The following CCDC112 variants were observed in gnomAD, a reference collection of about 807,000 sequenced individuals.
CCDC112 encodes the protein coiled-coil domain-containing protein 112.
In CCDC112, 40 loss-of-function variants were observed where a neutral mutation model predicts 66.3. That is an observed-to-expected ratio of 0.60 (90% CI 0.47 to 0.79). The LOEUF (loss-of-function observed/expected upper bound fraction) is 0.79, where lower values mean the gene tolerates loss of function less well. CCDC112 is among the 30% of genes least tolerant of loss of function. CCDC112 has a pLI of 0.00. For missense variants in CCDC112, 659 were observed against 603.8 expected (o/e 1.09, Z -0.96); for synonymous variants, 214 against 197.2 (o/e 1.09, Z -0.71).
intron 6 of CCDC112, among the ~76,000 whole-genome samples, chr5:115,273,420 A>T (rs1415911089): frequency 6.6e-6 from 1 of 152,188 alleles, no homozygotes; most frequent in Non-Finnish European, 1.5e-5. Context: ...CGTAGATTTA[A>T]AACTGAACTC....
chr5:115,269,017 A>G lies in CCDC112; in HGVS notation c.1429-17T>C, dbSNP rs371119794. On this transcript the variant is annotated splice_polypyrimidine_tract_variant and intron_variant, in intron 8 of 9. Coordinates refer to ENST00000379611, the MANE Select transcript of CCDC112 (RefSeq NM_001040440.3). Reference sequence around the variant, plus strand: ...GTTTTCAACCTGTAATCAGAAGTAAAATAGTACCAGTTAATTATACAAACT... The same window carrying G: ...GTTTTCAACCTGTAATCAGAAGTAAGATAGTACCAGTTAATTATACAAACT... The G allele has an allele frequency of 1.5e-4, 207 of 1,422,640 alleles. 1 individual carries two copies. The African/African-American group carries it at 2.7e-3, about 19-fold the overall frequency. 88.1% of individuals were successfully genotyped at this position (1,422,640 alleles called of 1,614,324 possible). A position where few individuals can be genotyped will look rare whatever the true frequency, so the allele number is the denominator to read the frequency against.
At chr5:115,275,138 A>C in intron 6 of CCDC112, 78 bp downstream of exon 6, 2 of 1,086,320 alleles carry the variant, frequency 1.8e-6, no homozygotes, top group Non-Finnish European at 2.6e-6. Flanking sequence ...CTGTAAAGTT[A>C]ATGAGACATG....
At position 115,271,280 on chromosome 5, in the gene CCDC112, C is replaced by T. The variant is rs1358253029; in HGVS notation, c.1265G>A (p.Arg422Lys). The T allele has an allele frequency of 1.2e-6, 2 of 1,606,500 alleles. No individual in the cohort carries two copies. The highest frequency in any genetic ancestry group is 2.3e-5 in the South Asian group (2 of 88,588). Residue 422 changes from arginine (R) to lysine (K), a missense_variant, in exon 7 of 10, where the codon AGG becomes AAG. Physicochemically the swap from Arg to Lys is conservative, Grantham distance 26. Transcript: ENST00000379611. ...TTTTTCTGCCTTTTCTGCCTTTTCC[C>T]TTATCTCCTTTTCAAGCCTCAAAAA... Reference protein sequence around the residue: ...EEFLRLEKEIREKAEKAEKRK... With the variant: ...EEFLRLEKEIKEKAEKAEKRK...
chr5:115,295,254 C>G (rs1289248271), intron 1 of CCDC112, among the ~76,000 whole-genome samples: 2 of 152,082 alleles, frequency 1.3e-5, no homozygotes, highest in Non-Finnish European at 2.9e-5. Flanking sequence ...TTAGGCAACT[C>G]GCAAGAAATG....
At chr5:115,295,537 G>A (rs1481734085) in intron 1 of CCDC112, among the ~76,000 whole-genome samples, 1 of 152,050 alleles carries the variant, frequency 6.6e-6, no homozygotes, top group Admixed American at 6.6e-5. Flanking sequence ...GGAAAAAGAT[G>A]GAACCTCTCC....
chr5:115,271,144 TAACTGAA>T, intron 7 of CCDC112, 62 bp downstream of exon 7: 2 of 1,431,970 alleles, frequency 1.4e-6, no homozygotes, highest in African/African-American at 1.4e-5. Context: ...AATTTTTGCT[TAACTGAA>T]TTTGGAAGTA....
In CCDC112 at chr5:115,271,532, T is replaced by G; in HGVS notation, c.1013A>C (p.Asn338Thr). ...KADNTPVLFH[N>T]KQEDNQKQKE... ...TTGCTTTTGATTATCCTCTTGTTTATTATGAAAAAGCACAGGTGTGTTGTC... is the reference window on the plus strand; with the variant it reads ...TTGCTTTTGATTATCCTCTTGTTTAGTATGAAAAAGCACAGGTGTGTTGTC... The change falls in exon 7 of 10, where the codon AAT (asparagine) becomes ACT (threonine). Residue 338 changes from asparagine to threonine, a missense_variant. Transcript: ENST00000379611. 4 of 1,610,674 alleles carry G rather than the reference T, an allele frequency of 2.5e-6. No homozygotes were observed. Among genetic ancestry groups the G allele is most frequent in the Non-Finnish European group, 3.4e-6 (4 of 1,179,186 alleles).
chr5:115,296,021 G>C, intron 1 of CCDC112: 2 of 993,390 alleles, frequency 2.0e-6, no homozygotes, highest in Non-Finnish European at 2.4e-6. Flanking sequence ...TACAGTAACA[G>C]AGCTGCCACC....
At chr5:115,271,065 AAGTT>A in intron 7 of CCDC112, 144 bp downstream of exon 7, 1 of 652,694 alleles carries the variant, frequency 1.5e-6, no homozygotes, top group Non-Finnish European at 2.6e-6. Flanking sequence ...AACCTACTAG[AAGTT>A]AGGGAGCACG....
At chr5:115,281,025 A>ATT (rs61604275) in intron 2 of CCDC112, among the ~76,000 whole-genome samples, 17 of 140,376 alleles carry the variant, frequency 1.2e-4, no homozygotes, top group African/African-American at 2.4e-4. Flanking sequence ...TACATAGAGA[A>ATT]TTTTTTTTTT....
At chr5:115,288,217 G>C (rs1749766899) in intron 1 of CCDC112, among the ~76,000 whole-genome samples, 1 of 152,198 alleles carries the variant, frequency 6.6e-6, no homozygotes, top group Non-Finnish European at 1.5e-5. Context: ...CTGACCTCAG[G>C]TGATCCGCCT....
intron 7 of CCDC112, among the ~76,000 whole-genome samples, chr5:115,270,207 T>A (rs1422458059): frequency 6.6e-6 from 1 of 152,114 alleles, no homozygotes; most frequent in Non-Finnish European, 1.5e-5. Flanking sequence ...TTTTGTTACT[T>A]AGGAAGATTT....
At chr5:115,285,053 T>C (rs565175920) in intron 1 of CCDC112, 145 bp from the exon 2 acceptor site, 5 of 652,556 alleles carry the variant, frequency 7.7e-6, no homozygotes, top group Admixed American at 5.7e-5. Flanking sequence ...AAAAGTACAT[T>C]TGTGGAAGAA....
Position 115,269,555 on chromosome 5 carries a change from A to T in CCDC112, c.1428+148T>A, listed in dbSNP as rs913255568. 2.2e-5 allele frequency: 13 copies of T among 582,962 alleles called. No individual in the cohort carries two copies. The African/African-American group carries it at 2.3e-4, about 10-fold the overall frequency. 36.1% of individuals were successfully genotyped at this position (582,962 alleles called of 1,614,324 possible). A position where few individuals can be genotyped will look rare whatever the true frequency, so the allele number is the denominator to read the frequency against. Reference sequence around the variant, plus strand: ...ATGGTTGCTTAAATTGTACCAAGTTATGCTTGCTAATATGTAAATAAGTAT... The same window carrying T: ...ATGGTTGCTTAAATTGTACCAAGTTTTGCTTGCTAATATGTAAATAAGTAT... On this transcript the variant is annotated intron_variant, in intron 8 of 9. Coordinates refer to ENST00000379611, the MANE Select transcript of CCDC112 (RefSeq NM_001040440.3).
intron 1 of CCDC112, among the ~76,000 whole-genome samples, chr5:115,285,239 T>C (rs898241160): frequency 2.5e-4 from 38 of 152,126 alleles, no homozygotes; most frequent in African/African-American, 8.7e-4. Context: ...AAAACAATGA[T>C]GATCTATAAT....
intron 6 of CCDC112, among the ~76,000 whole-genome samples, chr5:115,272,852 C>T (rs989952106): frequency 2.0e-5 from 3 of 152,108 alleles, no homozygotes; most frequent in African/African-American, 7.2e-5. Flanking sequence ...TAGTACAGTG[C>T]TACTCAAAAT....
At chr5:115,269,871 GTAAAAT>G in intron 7 of CCDC112, 73 bp from the exon 8 acceptor site, 1 of 901,510 alleles carries the variant, frequency 1.1e-6, no homozygotes, top group Non-Finnish European at 1.7e-6. Context: ...TTGTTCACAA[GTAAAAT>G]TAAATTACCT....
intron 1 of CCDC112, among the ~76,000 whole-genome samples, chr5:115,287,344 C>G (rs556471963): frequency 6.6e-6 from 1 of 152,122 alleles, no homozygotes; most frequent in Non-Finnish European, 1.5e-5. Flanking sequence ...CTACTTAAAT[C>G]CTTTCCCTTT....
Position 115,271,473 on chromosome 5 carries a change from C to G in CCDC112, c.1072G>C (p.Val358Leu), listed in dbSNP as rs1259319287. Residue 358 changes from valine (V) to leucine (L), a missense_variant, in exon 7 of 10, where the codon GTT (valine) becomes CTT (leucine). Val to Leu is a conservative substitution (Grantham distance 32). Transcript: ENST00000379611. ...CTTTTCTGTTTCTTCCAAGCTTCAA[C>G]TGCCAATTTCTGTTTCTTTCTTTGT... ...EEQRKKQKLA[V>L]EAWKKQKSIE... 1 of 1,612,896 alleles carries G rather than the reference C, an allele frequency of 6.2e-7. No homozygotes were observed. Among genetic ancestry groups the G allele is most frequent in the South Asian group, 1.1e-5 (1 of 90,638 alleles).
Sources: gnomAD v4.1 joint callset for allele counts (sites outside exome capture counted in the v4.1 genomes callset) on GRCh38, gnomAD v4.1.1 for gene constraint, MANE v1.5 for transcripts, NCBI Gene and HGNC (gene_info 2026-07-23, HGNC 2026-07-21) for gene names.